Variants in FAIM2 observed in about 807,000 individuals in gnomAD.
The protein encoded by FAIM2 is Fas apoptotic inhibitory molecule 2, also known as protein lifeguard 2.
In FAIM2, 27 loss-of-function variants were observed where a neutral mutation model predicts 47.4. That is an observed-to-expected ratio of 0.57 (90% confidence interval 0.42 to 0.78). The LOEUF is 0.78. Among genes scored for constraint, FAIM2 ranks in the 30% least tolerant of loss-of-function variants. The probability of loss-of-function intolerance (pLI) is 0.00; values close to 1 mark genes in which losing one functional copy is unlikely to be tolerated. For missense variants in FAIM2, 311 were observed against 389.4 expected (o/e 0.80, Z 1.69); for synonymous variants, 156 against 159.3 (o/e 0.98, Z 0.16).
intron 4 of FAIM2, among the ~76,000 whole-genome samples, 155 bp from the exon 5 acceptor site, chr12:49,897,239 C>G (rs546745282): frequency 6.6e-6 from 1 of 152,192 alleles, no homozygotes; most frequent in Non-Finnish European, 1.5e-5. Context: ...AGCCCACAGT[C>G]CCCGGCTGGG....
intron 11 of FAIM2, among the ~76,000 whole-genome samples, chr12:49,879,881 TATGTGTGC>T (rs1240232324): frequency 8.4e-6 from 1 of 119,284 alleles, no homozygotes; most frequent in African/African-American, 3.1e-5. Context: ...CGTGTATGTG[TATGTGTGC>T]ATGTGTATGT....
chr12:49,871,966 C>T (rs778241660), intron 11 of FAIM2, among the ~76,000 whole-genome samples: 3 of 152,096 alleles, frequency 2.0e-5, no homozygotes, highest in Admixed American at 6.6e-5. Context: ...AGGCCCAGCC[C>T]GGGATTAGAA....
intron 11 of FAIM2, 51 bp downstream of exon 11, chr12:49,887,335 G>T (rs376005780): frequency 1.7e-5 from 26 of 1,518,758 alleles, no homozygotes; most frequent in African/African-American, 2.7e-5. Flanking sequence ...GGACTGGGGT[G>T]ATGGTCAGGA....
At chr12:49,894,091 G>C (rs1946919121) in intron 5 of FAIM2, among the ~76,000 whole-genome samples, 1 of 152,180 alleles carries the variant, frequency 6.6e-6, no homozygotes. Flanking sequence ...TCCCAGCTCT[G>C]CCACTACTGT....
rs915536238 is a variant in FAIM2 at position 49,867,415 on chromosome 12, C to G, written c.*3089G>C. ...AAGGAGCCTTTTGGAAAATGGGTGT[C>G]TGTCCCATCCTGACTCCCTCGGAAG... On this transcript the variant is annotated 3_prime_UTR_variant, in exon 12 of 12. Coordinates refer to ENST00000320634, the MANE Select transcript of FAIM2 (RefSeq NM_012306.4). 2.6e-5 allele frequency: 4 copies of G among 152,238 alleles called. No individual in the cohort carries two copies. Among genetic ancestry groups the G allele is most frequent in the Non-Finnish European group, 5.9e-5 (4 of 68,052 alleles). The allele number at this position is 152,238 out of a possible 1,614,324, so 9.4% of individuals were successfully genotyped here. A position where few individuals can be genotyped will look rare whatever the true frequency, so the allele number is the denominator to read the frequency against.
chr12:49,903,747 A>C, intron 1 of FAIM2, 31 bp downstream of exon 1: 1 of 1,550,712 alleles, frequency 6.4e-7, no homozygotes, highest in Non-Finnish European at 8.7e-7. Context: ...CGGAGGATGG[A>C]GGATGGTGCA....
chr12:49,897,488 T>G, intron 4 of FAIM2, 31 bp downstream of exon 4: 1 of 1,606,768 alleles, frequency 6.2e-7, no homozygotes, highest in Non-Finnish European at 8.5e-7. Flanking sequence ...TAGTCATCCC[T>G]GGAAGGTGCT....
At chr12:49,876,795 C>G (rs1946740026) in intron 11 of FAIM2, among the ~76,000 whole-genome samples, 1 of 151,982 alleles carries the variant, frequency 6.6e-6, no homozygotes, top group South Asian at 2.1e-4. Flanking sequence ...TAAAAGCTGT[C>G]ATCGATTGAG....
At chr12:49,878,392 G>GTGTGTGTGTGCATGTGTA (rs142129827) in intron 11 of FAIM2, among the ~76,000 whole-genome samples, 5 of 125,238 alleles carry the variant, frequency 4.0e-5, no homozygotes, top group African/African-American at 1.3e-4. Flanking sequence ...GTGTATATGT[G>GTGTGTGTGTGCATGTGTA]TGTGTCTGTG....
chr12:49,886,475 T>TATC (rs1435789170), intron 11 of FAIM2, among the ~76,000 whole-genome samples: 1 of 151,914 alleles, frequency 6.6e-6, no homozygotes, highest in African/African-American at 2.4e-5. Context: ...TTAATTTATT[T>TATC]ATTATTATTA....
intron 11 of FAIM2, among the ~76,000 whole-genome samples, chr12:49,881,844 G>T (rs967346147): frequency 6.6e-6 from 1 of 152,182 alleles, no homozygotes; most frequent in Non-Finnish European, 1.5e-5. Context: ...CCTAGGAGGG[G>T]CCTGTTCCTC....
At chr12:49,891,701 A>G (rs950284243) in intron 5 of FAIM2, among the ~76,000 whole-genome samples, 10 of 152,106 alleles carry the variant, frequency 6.6e-5, no homozygotes, top group Non-Finnish European at 1.5e-5. Context: ...GGTCTAGCCT[A>G]TTAAATTGTA....
At chr12:49,880,518 G>A (rs1239859577) in intron 11 of FAIM2, among the ~76,000 whole-genome samples, 2 of 141,546 alleles carry the variant, frequency 1.4e-5, no homozygotes, top group Non-Finnish European at 3.0e-5. Flanking sequence ...GTGTGTATGT[G>A]CATGTGTATA....
rs138671786 is a variant in FAIM2 at position 49,901,221 on chromosome 12, T to C, written c.120A>G (p.Glu40=). The C allele has an allele frequency of 4.7e-5, 75 of 1,611,898 alleles. No individual in the cohort carries two copies. The African/African-American group carries it at 7.5e-4, about 16-fold the overall frequency. Reference sequence around the variant, plus strand: ...CCTTCATCCCCTCCCCAGAGGTGGCTTCCTCATAGGAGGGTGGGGCTGAGG... The same window carrying C: ...CCTTCATCCCCTCCCCAGAGGTGGCCTCCTCATAGGAGGGTGGGGCTGAGG... ...AVPSAPPSYE[E]ATSGEGMKAG... is the part of the protein sequence containing the mutation. The change falls in exon 2 of 12, where the codon GAA becomes GAG. Residue 40 remains glutamate (E), a synonymous_variant. Coordinates refer to ENST00000320634, the MANE Select transcript of FAIM2 (RefSeq NM_012306.4).
chr12:49,887,732 G>A (rs1293166851), intron 10 of FAIM2, among the ~76,000 whole-genome samples: 2 of 152,100 alleles, frequency 1.3e-5, no homozygotes, highest in Non-Finnish European at 2.9e-5. Context: ...GACTCTCGGT[G>A]GGCCCTGTCC....
At chr12:49,890,487 G>A (rs1946892669) in intron 7 of FAIM2, among the ~76,000 whole-genome samples, 196 bp downstream of exon 7, 1 of 152,162 alleles carries the variant, frequency 6.6e-6, no homozygotes, top group Non-Finnish European at 1.5e-5. Flanking sequence ...GATGGGGAAC[G>A]GGCAAGATTA....
At chr12:49,897,764 A>ACCCC (rs11378140) in intron 3 of FAIM2, among the ~76,000 whole-genome samples, 181 bp from the exon 4 acceptor site, 4 of 149,888 alleles carry the variant, frequency 2.7e-5, no homozygotes, top group African/African-American at 7.4e-5. Flanking sequence ...AGCCAAGCGC[A>ACCCC]CCCCCCCCCA....
At chr12:49,875,283 A>C (rs1392319924) in intron 11 of FAIM2, among the ~76,000 whole-genome samples, 1 of 152,114 alleles carries the variant, frequency 6.6e-6, no homozygotes, top group Non-Finnish European at 1.5e-5. Flanking sequence ...TTTGCTAAGG[A>C]CACTGAGGCA....
At chr12:49,884,918 C>G (rs1405001664) in intron 11 of FAIM2, among the ~76,000 whole-genome samples, 4 of 152,038 alleles carry the variant, frequency 2.6e-5, no homozygotes, top group African/African-American at 7.3e-5. Context: ...AGCTTGCAGT[C>G]AGCCAAGATC....
Sources: gnomAD v4.1 joint callset for allele counts (sites outside exome capture counted in the v4.1 genomes callset) on GRCh38, gnomAD v4.1.1 for gene constraint, MANE v1.5 for transcripts, NCBI Gene and HGNC (gene_info 2026-07-23, HGNC 2026-07-21) for gene names.